Variants in COMMD1 observed in about 807,000 individuals in gnomAD.
The protein encoded by COMMD1 is COMM domain-containing protein 1.
A neutral mutation model predicts 17.2 loss-of-function variants in COMMD1; 10 were observed. The ratio of observed to expected loss-of-function variants is 0.58; its 90% CI spans 0.36 to 0.99. The LOEUF is 0.99. Among genes scored for constraint, COMMD1 ranks in the 50% least tolerant of loss-of-function variants. The pLI is 0.01. For missense variants in COMMD1, 270 were observed against 231.8 expected, an observed-to-expected ratio of 1.17 and a Z score of -1.07; for synonymous variants, 97 against 91.6, an observed-to-expected ratio of 1.06 and a Z score of -0.34.
intron 2 of COMMD1, among the ~76,000 whole-genome samples, chr2:62,107,678 G>A (rs1414161832): frequency 6.6e-6 from 1 of 152,176 alleles, no homozygotes; most frequent in Admixed American, 6.5e-5. Context: ...TGCTTTGAAA[G>A]CCTTGACCAC....
chr2:62,111,033 G>A (rs1558603851), intron 2 of COMMD1, among the ~76,000 whole-genome samples: 2 of 152,154 alleles, frequency 1.3e-5, no homozygotes, highest in Admixed American at 6.5e-5. Flanking sequence ...TTAAGTTTGT[G>A]TATTCCCTAT....
At chr2:62,012,888 A>G (rs1016035322) in intron 2 of COMMD1, among the ~76,000 whole-genome samples, 1 of 152,156 alleles carries the variant, frequency 6.6e-6, no homozygotes, top group Non-Finnish European at 1.5e-5. Flanking sequence ...ATTTGAGTGA[A>G]GGAAGATTTC....
chr2:62,105,116 ACT>A (rs1470815030), intron 2 of COMMD1, among the ~76,000 whole-genome samples: 3 of 150,824 alleles, frequency 2.0e-5, no homozygotes, highest in Non-Finnish European at 4.4e-5. Flanking sequence ...CAAGAGCAAA[ACT>A]CTGTCTCAAA....
In COMMD1 at chr2:62,118,286, T is replaced by C. The variant is rs558300126; in HGVS notation, c.463-17545T>C. On this transcript the variant is annotated intron_variant, in intron 2 of 2. Coordinates refer to ENST00000311832, the MANE Select transcript of COMMD1 (RefSeq NM_152516.4). ...GTTCTGTTCTAAGGATCAGATGAGA[T>C]CATGCATGTGAAAGGGCTTTCTAAA... The C allele has an allele frequency of 2.0e-5, 3 of 152,330 alleles. No homozygotes were observed. In the East Asian group the frequency reaches 5.8e-4, roughly 29 times the overall value. 9.4% of individuals were successfully genotyped at this position (152,330 alleles called of 1,614,324 possible).
At chr2:62,116,065 T>G (rs1037646609) in intron 2 of COMMD1, among the ~76,000 whole-genome samples, 1 of 152,104 alleles carries the variant, frequency 6.6e-6, no homozygotes, top group East Asian at 1.9e-4. Context: ...CAGGCTGGTT[T>G]TGAACTCCTG....
chr2:61,941,523 A>G (rs1670747014), intron 1 of COMMD1, among the ~76,000 whole-genome samples: 2 of 152,182 alleles, frequency 1.3e-5, no homozygotes, highest in African/African-American at 4.8e-5. Flanking sequence ...CTAGTTCCAT[A>G]TGGCTTGCAT....
intron 1 of COMMD1, among the ~76,000 whole-genome samples, chr2:61,949,296 A>T (rs555522526): frequency 6.6e-6 from 1 of 152,210 alleles, no homozygotes; most frequent in South Asian, 2.1e-4. Context: ...AGTGTAGAGA[A>T]CCGAGAAGCC....
At chr2:61,986,382 T>A (rs1307641715) in intron 1 of COMMD1, among the ~76,000 whole-genome samples, 13 of 152,050 alleles carry the variant, frequency 8.5e-5, no homozygotes, top group Admixed American at 8.5e-4. Context: ...ATCTGTTTGA[T>A]GTTCTGTAAC....
chr2:62,082,584 G>C (rs1347262084), intron 2 of COMMD1, among the ~76,000 whole-genome samples: 2 of 152,280 alleles, frequency 1.3e-5, no homozygotes, highest in South Asian at 4.1e-4. Context: ...TGTCTTGGCC[G>C]GGTGCGGTGG....
At chr2:61,984,230 T>G (rs760146094) in intron 1 of COMMD1, among the ~76,000 whole-genome samples, 17 of 152,212 alleles carry the variant, frequency 1.1e-4, no homozygotes, top group Non-Finnish European at 2.5e-4. Context: ...TTCTCAGTGT[T>G]GGCCAGGTTG....
chr2:62,078,092 G>A (rs1054640622), intron 2 of COMMD1, among the ~76,000 whole-genome samples: 45 of 152,016 alleles, frequency 3.0e-4, no homozygotes, highest in Admixed American at 2.6e-3. Context: ...TGACTAACAC[G>A]GTGAAACCCT....
intron 1 of COMMD1, among the ~76,000 whole-genome samples, chr2:61,920,748 A>G (rs1236963365): frequency 6.6e-6 from 1 of 151,960 alleles, no homozygotes; most frequent in Non-Finnish European, 1.5e-5. Context: ...TTGAACATTT[A>G]GTGCTCTGCT....
chr2:62,011,296 C>T (rs1286429718), intron 2 of COMMD1, among the ~76,000 whole-genome samples: 2 of 152,174 alleles, frequency 1.3e-5, no homozygotes, highest in Admixed American at 6.5e-5. Flanking sequence ...TCTGTGAAAA[C>T]ACCAGTACAG....
At chr2:61,963,230 T>TAC (rs1170289607) in intron 1 of COMMD1, among the ~76,000 whole-genome samples, 1 of 149,844 alleles carries the variant, frequency 6.7e-6, no homozygotes, top group African/African-American at 2.5e-5. Context: ...CATATATACA[T>TAC]ATATACACAC....
intron 2 of COMMD1, among the ~76,000 whole-genome samples, chr2:62,033,882 G>A (rs1179453067): frequency 6.6e-6 from 1 of 152,072 alleles, no homozygotes; most frequent in Admixed American, 6.6e-5. Flanking sequence ...GACCGAGGCA[G>A]GAGGACTGCT....
chr2:62,052,992 C>G (rs1376340470), intron 2 of COMMD1, among the ~76,000 whole-genome samples: 1 of 152,104 alleles, frequency 6.6e-6, no homozygotes, highest in Non-Finnish European at 1.5e-5. Context: ...TCACTTCAGC[C>G]TTCACTGAGC....
upstream of COMMD1, among the ~76,000 whole-genome samples, chr2:61,903,634 C>T (rs1490930511): frequency 1.3e-5 from 2 of 151,834 alleles, no homozygotes; most frequent in East Asian, 4.0e-4. Context: ...CTCACTGCAG[C>T]CTCTGCTTCC....
chr2:61,917,279 C>T (rs2105187538), intron 1 of COMMD1, among the ~76,000 whole-genome samples: 1 of 151,746 alleles, frequency 6.6e-6, no homozygotes, highest in African/African-American at 2.4e-5. Context: ...ATCGCTTGAA[C>T]CCGGGAGGCG....
At chr2:61,926,944 C>A (rs540512235) in intron 1 of COMMD1, among the ~76,000 whole-genome samples, 13 of 152,250 alleles carry the variant, frequency 8.5e-5, no homozygotes, top group African/African-American at 2.6e-4. Context: ...TCTATTGAGA[C>A]GTGCCTCAGT....
Sources: allele counts gnomAD v4.1 joint callset (sites outside exome capture counted in the v4.1 genomes callset), GRCh38; gene constraint gnomAD v4.1.1; transcripts MANE v1.5; gene names NCBI Gene and HGNC (gene_info 2026-07-23, HGNC 2026-07-21).